Variants in COG7 observed in about 807,000 individuals in gnomAD.
COG7 encodes conserved oligomeric Golgi complex subunit 7.
In COG7, 49 loss-of-function variants were observed where a neutral mutation model predicts 91.5. The observed-to-expected ratio is 0.54, with a 90% CI of 0.43 to 0.68. The LOEUF (loss-of-function observed/expected upper bound fraction) is 0.68. COG7 is among the 30% of genes least tolerant of loss of function. COG7 has a pLI of 0.00. For synonymous variants in COG7, 365 were observed against 388.7 expected (o/e 0.94, Z 0.72); for missense variants, 895 against 961.3 (o/e 0.93, Z 0.91).
intron 11 of COG7, among the ~76,000 whole-genome samples, chr16:23,407,354 T>C (rs1480753521): frequency 6.6e-6 from 1 of 152,206 alleles, no homozygotes; most frequent in African/African-American, 2.4e-5. Context: ...TCTTCACTAG[T>C]TCTTGTCTGG....
At chr16:23,431,742 G>A (rs1963937406) in intron 6 of COG7, among the ~76,000 whole-genome samples, 1 of 151,068 alleles carries the variant, frequency 6.6e-6, no homozygotes, top group Non-Finnish European at 1.5e-5. Flanking sequence ...CAGAGAGGCG[G>A]AGGTTGCAGG....
At chr16:23,451,392 T>C (rs1422018056) in intron 1 of COG7, among the ~76,000 whole-genome samples, 1 of 152,140 alleles carries the variant, frequency 6.6e-6, no homozygotes, top group Non-Finnish European at 1.5e-5. Context: ...CCAGTGCATG[T>C]TATTTTTTAT....
chr16:23,439,451 A>G (rs1964066487), intron 4 of COG7, among the ~76,000 whole-genome samples: 1 of 152,242 alleles, frequency 6.6e-6, no homozygotes, highest in Admixed American at 6.6e-5. Flanking sequence ...GCCAAAAGGT[A>G]GAAATAACCT....
chr16:23,406,295 G>C (rs1436503418), intron 11 of COG7, 33 bp from the exon 12 acceptor site: 4 of 1,575,566 alleles, frequency 2.5e-6, no homozygotes, highest in Non-Finnish European at 3.5e-6. Flanking sequence ...TATGCCCTGA[G>C]CTATTTGCAT....
intron 16 of COG7, 166 bp downstream of exon 16, chr16:23,392,214 C>A: frequency 6.6e-7 from 1 of 1,506,652 alleles, no homozygotes; most frequent in East Asian, 2.5e-5. Context: ...GTCAGAATCT[C>A]TGGGGCAGGG....
chr16:23,436,760 G>A (rs991849903), intron 4 of COG7, among the ~76,000 whole-genome samples: 2 of 152,060 alleles, frequency 1.3e-5, no homozygotes, highest in Non-Finnish European at 2.9e-5. Context: ...GTTAGATAAA[G>A]AACTACCTCA....
At chr16:23,389,692 G>A (rs1315315800) in intron 16 of COG7, among the ~76,000 whole-genome samples, 2 of 152,182 alleles carry the variant, frequency 1.3e-5, no homozygotes, top group Admixed American at 6.5e-5. Context: ...TCTGGGGTGG[G>A]ACCCTGGTAT....
intron 1 of COG7, among the ~76,000 whole-genome samples, chr16:23,448,737 G>C (rs1391488332): frequency 6.6e-6 from 1 of 152,130 alleles, no homozygotes; most frequent in African/African-American, 2.4e-5. Flanking sequence ...TAATGGTTAA[G>C]GGCCTGGGCT....
chr16:23,433,966 T>A (rs1470237758), intron 5 of COG7, among the ~76,000 whole-genome samples: 1 of 152,172 alleles, frequency 6.6e-6, no homozygotes, highest in East Asian at 1.9e-4. Flanking sequence ...TGAATAGATG[T>A]TGGGGCAAGA....
At chr16:23,421,574 A>C (rs1429127359) in intron 7 of COG7, among the ~76,000 whole-genome samples, 1 of 152,040 alleles carries the variant, frequency 6.6e-6, no homozygotes, top group Non-Finnish European at 1.5e-5. Context: ...GTAACTTTCA[A>C]ACTTGCTAAT....
intron 13 of COG7, among the ~76,000 whole-genome samples, chr16:23,398,668 G>T (rs1195830756): frequency 6.6e-6 from 1 of 152,104 alleles, no homozygotes; most frequent in African/African-American, 2.4e-5. Flanking sequence ...CGGCAATACT[G>T]CTTTACCTCA....
intron 8 of COG7, 60 bp downstream of exon 8, chr16:23,418,640 T>C: frequency 6.3e-7 from 1 of 1,579,626 alleles, no homozygotes; most frequent in Non-Finnish European, 8.7e-7. Context: ...CTCCCAGACG[T>C]GGCCAAGACC....
intron 9 of COG7, 86 bp downstream of exon 9, chr16:23,416,881 A>AG: frequency 6.6e-7 from 1 of 1,504,236 alleles, no homozygotes; most frequent in South Asian, 1.2e-5. Flanking sequence ...CAGGGTTCAG[A>AG]GAACAAATAC....
chr16:23,437,107 G>A (rs1964025267), intron 4 of COG7, among the ~76,000 whole-genome samples: 1 of 152,162 alleles, frequency 6.6e-6, no homozygotes, highest in South Asian at 2.1e-4. Flanking sequence ...GGCAGCCTAT[G>A]GAGCTCAAAA....
At chr16:23,428,996 T>C (rs1162762028) in intron 6 of COG7, among the ~76,000 whole-genome samples, 1 of 151,034 alleles carries the variant, frequency 6.6e-6, no homozygotes, top group Non-Finnish European at 1.5e-5. Flanking sequence ...CCCAGCCATC[T>C]TTCTTTTTTT....
At chr16:23,451,255 G>A (rs1356475487) in intron 1 of COG7, among the ~76,000 whole-genome samples, 1 of 152,200 alleles carries the variant, frequency 6.6e-6, no homozygotes, top group East Asian at 1.9e-4. Flanking sequence ...CCCAGTGGAA[G>A]CAGTCTGTTT....
chr16:23,452,958 C>T lies in COG7; in HGVS notation c.37G>A (p.Val13Met). Residue 13 changes from valine (V) to methionine (M), a missense_variant, in exon 1 of 17, where the codon GTG (valine) becomes ATG (methionine). By Grantham distance (21) the Val-to-Met change is conservative. Coordinates refer to ENST00000307149, the MANE Select transcript of COG7 (RefSeq NM_153603.4). ...AAGGCCGCATTGATCCACTCCTTCA[C>T]GTCGAAGTCGTCTGCCAGGAACTTG... ...FSKFLADDFD[V>M]KEWINAAFRA... 1.9e-6 allele frequency: 3 copies of T among 1,614,084 alleles called. No individual in the cohort carries two copies. Among genetic ancestry groups the T allele is most frequent in the East Asian group, 4.5e-5 (2 of 44,874 alleles).
chr16:23,409,380 C>T (rs1963526782), intron 11 of COG7, among the ~76,000 whole-genome samples: 1 of 152,162 alleles, frequency 6.6e-6, no homozygotes, highest in South Asian at 2.1e-4. Flanking sequence ...TTCTCTCATC[C>T]TGGGCAGCTT....
chr16:23,416,212 T>C (rs1453123666), intron 9 of COG7: 2 of 152,214 alleles, frequency 1.3e-5, no homozygotes, highest in Non-Finnish European at 2.9e-5. Flanking sequence ...GCATTTTTAG[T>C]AGAGATGAGC....
Sources: gnomAD v4.1 joint callset for allele counts (sites outside exome capture counted in the v4.1 genomes callset) on GRCh38, gnomAD v4.1.1 for gene constraint, MANE v1.5 for transcripts, NCBI Gene and HGNC (gene_info 2026-07-23, HGNC 2026-07-21) for gene names.